TMEM132D: variants seen among roughly 807,000 people sequenced by gnomAD.
TMEM132D encodes the protein mature OL transmembrane protein.
A neutral mutation model predicts 62.3 loss-of-function variants in TMEM132D; 21 were observed. That is an observed-to-expected ratio of 0.34 (90% confidence interval 0.24 to 0.49). The LOEUF is 0.49. Among genes scored for constraint, TMEM132D ranks in the 20% least tolerant of loss-of-function variants. TMEM132D has a pLI of 0.99. For missense variants in TMEM132D, 1,346 were observed against 1,402.8 expected (o/e 0.96, Z 0.65); for synonymous variants, 621 against 575.6 (o/e 1.08, Z -1.13).
intron 3 of TMEM132D, among the ~76,000 whole-genome samples, chr12:129,449,026 G>A (rs1316886545): frequency 6.6e-6 from 1 of 152,194 alleles, no homozygotes; most frequent in Non-Finnish European, 1.5e-5. Context: ...AGATAACGGT[G>A]AAGACTTTGC....
chr12:129,585,562 T>C (rs1878002044), intron 2 of TMEM132D, among the ~76,000 whole-genome samples: 1 of 152,214 alleles, frequency 6.6e-6, no homozygotes, highest in Non-Finnish European at 1.5e-5. Context: ...CTGTCTCAAA[T>C]GATTCCTCAA....
At chr12:129,471,811 G>A (rs1228034354) in intron 3 of TMEM132D, among the ~76,000 whole-genome samples, 1 of 152,162 alleles carries the variant, frequency 6.6e-6, no homozygotes, top group Non-Finnish European at 1.5e-5. Context: ...CAACCTTATT[G>A]CTGACTGGAA....
chr12:129,758,182 G>A (rs543913106), intron 1 of TMEM132D, among the ~76,000 whole-genome samples: 1 of 152,284 alleles, frequency 6.6e-6, no homozygotes, highest in African/African-American at 2.4e-5. Context: ...TGGGATTACA[G>A]GTGTGAGCCA....
intron 4 of TMEM132D, among the ~76,000 whole-genome samples, chr12:129,278,872 C>T: frequency 6.6e-6 from 1 of 152,126 alleles, no homozygotes; most frequent in East Asian, 1.9e-4. Context: ...TGTTGTCTGA[C>T]TCAAAGGTCA....
chr12:129,115,252 C>G (rs989511087), intron 5 of TMEM132D, among the ~76,000 whole-genome samples: 3 of 152,170 alleles, frequency 2.0e-5, no homozygotes, highest in Non-Finnish European at 4.4e-5. Flanking sequence ...TTAGCAGGAC[C>G]CACAAGCATG....
At chr12:129,882,494 T>C (rs1874627960) in intron 1 of TMEM132D, among the ~76,000 whole-genome samples, 2 of 152,158 alleles carry the variant, frequency 1.3e-5, no homozygotes, top group African/African-American at 4.8e-5. Context: ...CACCACGTCA[T>C]CCAGCTTACT....
At chr12:129,245,660 G>C (rs559379820) in intron 4 of TMEM132D, among the ~76,000 whole-genome samples, 1 of 151,972 alleles carries the variant, frequency 6.6e-6, no homozygotes, top group African/African-American at 2.4e-5. Context: ...GTTGTGATGT[G>C]TTTGTAAAAG....
chr12:129,194,591 T>A (rs1878495801), intron 5 of TMEM132D, among the ~76,000 whole-genome samples: 1 of 152,188 alleles, frequency 6.6e-6, no homozygotes, highest in Non-Finnish European at 1.5e-5. Context: ...AACCTTCACG[T>A]GTACCCCCAA....
At chr12:129,526,109 G>A (rs2137085321) in intron 3 of TMEM132D, among the ~76,000 whole-genome samples, 1 of 152,244 alleles carries the variant, frequency 6.6e-6, no homozygotes, top group South Asian at 2.1e-4. Flanking sequence ...GCTAATGTGA[G>A]TTTCCCCACC....
At chr12:129,456,220 T>C (rs1873460330) in intron 3 of TMEM132D, among the ~76,000 whole-genome samples, 1 of 152,196 alleles carries the variant, frequency 6.6e-6, no homozygotes, top group African/African-American at 2.4e-5. Context: ...TAGAGATAAC[T>C]TTAGTGGTCC....
chr12:129,232,842 A>G (rs1879680516), intron 4 of TMEM132D, among the ~76,000 whole-genome samples: 1 of 152,096 alleles, frequency 6.6e-6, no homozygotes, highest in Non-Finnish European at 1.5e-5. Context: ...AGAGAGAGAG[A>G]GAGAGAGCAC....
At chr12:129,868,866 A>G (rs909316251) in intron 1 of TMEM132D, among the ~76,000 whole-genome samples, 1 of 152,054 alleles carries the variant, frequency 6.6e-6, no homozygotes, top group African/African-American at 2.4e-5. Flanking sequence ...TCTGGCAATC[A>G]CCAGGCAGGG....
intron 2 of TMEM132D, among the ~76,000 whole-genome samples, chr12:129,551,084 G>C (rs2129027): frequency 6.6e-6 from 1 of 152,146 alleles, no homozygotes; most frequent in African/African-American, 2.4e-5. Context: ...GCAAGAGCCA[G>C]CCTCAACCAT....
chr12:129,467,784 G>T (rs777182913), intron 3 of TMEM132D, among the ~76,000 whole-genome samples: 1 of 152,162 alleles, frequency 6.6e-6, no homozygotes, highest in African/African-American at 2.4e-5. Flanking sequence ...ATACAGGTTA[G>T]ATCCAGGTCC....
chr12:129,383,604 A>G (rs972117880), intron 3 of TMEM132D, among the ~76,000 whole-genome samples: 4 of 151,902 alleles, frequency 2.6e-5, no homozygotes, highest in Non-Finnish European at 5.9e-5. Context: ...ACACCTGGCT[A>G]ATTTTTGTAT....
At chr12:129,200,670 T>C (rs1593294008) in intron 5 of TMEM132D, among the ~76,000 whole-genome samples, 1 of 152,264 alleles carries the variant, frequency 6.6e-6, no homozygotes, top group East Asian at 1.9e-4. Flanking sequence ...GCTGCGCAGG[T>C]TGTCGGGCGC....
At chr12:129,574,232 T>C (rs1239256976) in intron 2 of TMEM132D, among the ~76,000 whole-genome samples, 2 of 151,950 alleles carry the variant, frequency 1.3e-5, no homozygotes, top group Non-Finnish European at 2.9e-5. Flanking sequence ...GATTGATAGA[T>C]ATGTGATAAA....
At chr12:129,874,061 T>C (rs1043760775) in intron 1 of TMEM132D, among the ~76,000 whole-genome samples, 1 of 152,180 alleles carries the variant, frequency 6.6e-6, no homozygotes, top group African/African-American at 2.4e-5. Flanking sequence ...CTTTCTAAGA[T>C]GAATACATCA....
At chr12:129,540,694 C>G (rs890120444) in intron 2 of TMEM132D, among the ~76,000 whole-genome samples, 5 of 152,166 alleles carry the variant, frequency 3.3e-5, no homozygotes, top group Admixed American at 2.6e-4. Flanking sequence ...ACTATGCTGG[C>G]CAGGCTGGTC....
Sources: allele counts gnomAD v4.1 joint callset (sites outside exome capture counted in the v4.1 genomes callset), GRCh38; gene constraint gnomAD v4.1.1; transcripts MANE v1.5; gene names NCBI Gene and HGNC (gene_info 2026-07-23, HGNC 2026-07-21).